SLC5A4: variants seen among roughly 807,000 people sequenced by gnomAD.
SLC5A4 encodes probable glucose sensor protein SLC5A4.
Under a neutral mutation model 70.3 loss-of-function variants are expected in SLC5A4, and 55 were observed. That is an observed-to-expected ratio of 0.78 (90% CI 0.63 to 0.98). SLC5A4 has a LOEUF of 0.98. Ranked by LOEUF, SLC5A4 falls within the 50% of genes least tolerant of loss-of-function variation. SLC5A4 has a pLI of 0.00. For missense variants in SLC5A4, 735 were observed against 839.2 expected, an observed-to-expected ratio of 0.88 and a Z score of 1.53; for synonymous variants, 268 against 305.7, an observed-to-expected ratio of 0.88 and a Z score of 1.29.
upstream of SLC5A4, among the ~76,000 whole-genome samples, chr22:32,259,470 T>C (rs1009493719): frequency 6.6e-6 from 1 of 152,228 alleles, no homozygotes; most frequent in African/African-American, 2.4e-5. Context: ...CAGGTGTTTT[T>C]TTCCTTTGTT....
At chr22:32,260,695 G>C in the SLC5A4 span, among the ~76,000 whole-genome samples, 1 of 152,136 alleles carries the variant, frequency 6.6e-6, no homozygotes, top group Non-Finnish European at 1.5e-5. Context: ...TACGAGAGGA[G>C]TTAGATGAAA....
the SLC5A4 span, among the ~76,000 whole-genome samples, chr22:32,264,934 T>C: frequency 1.4e-4 from 22 of 152,252 alleles, no homozygotes; most frequent in Admixed American, 1.4e-3. Context: ...TTTCTTTTTT[T>C]CATCTCAAGT....
the SLC5A4 span, among the ~76,000 whole-genome samples, chr22:32,351,441 C>T: frequency 6.6e-6 from 1 of 151,622 alleles, no homozygotes; most frequent in African/African-American, 2.4e-5. Context: ...AGGTGGCTCA[C>T]GCCTGTAATC....
chr22:32,312,365 G>GCACACACACACACA, the SLC5A4 span, among the ~76,000 whole-genome samples: 2 of 102,120 alleles, frequency 2.0e-5, no homozygotes, highest in Admixed American at 9.7e-5. Context: ...ACGCGCGCGC[G>GCACACACACACACA]CACACACACA....
At chr22:32,293,359 TTCTTC>T in the SLC5A4 span, among the ~76,000 whole-genome samples, 1 of 152,258 alleles carries the variant, frequency 6.6e-6, no homozygotes, top group East Asian at 1.9e-4. Context: ...ATATTCTTCT[TTCTTC>T]TCAATTTTTG....
At chr22:32,220,031 C>T (rs928355863) in intron 14 of SLC5A4, among the ~76,000 whole-genome samples, 3 of 73,874 alleles carry the variant, frequency 4.1e-5, no homozygotes, top group Non-Finnish European at 7.3e-5. Context: ...TTAAGATGTG[C>T]AACACACACA....
At chr22:32,220,553 C>T (rs372820188) in intron 14 of SLC5A4, among the ~76,000 whole-genome samples, 43 of 152,152 alleles carry the variant, frequency 2.8e-4, no homozygotes, top group African/African-American at 9.2e-4. Context: ...ACCTGTCTGC[C>T]TGGAATAGAG....
chr22:32,334,495 C>T, the SLC5A4 span, among the ~76,000 whole-genome samples: 3 of 152,196 alleles, frequency 2.0e-5, no homozygotes, highest in African/African-American at 4.8e-5. Flanking sequence ...ACAGTGATGG[C>T]CTCCCCCCGG....
chr22:32,228,067 A>G (rs1300270048), intron 11 of SLC5A4, among the ~76,000 whole-genome samples: 2 of 152,200 alleles, frequency 1.3e-5, no homozygotes, highest in East Asian at 3.8e-4. Context: ...CACAGTGGTT[A>G]GCTTTGGAAC....
chr22:32,294,484 A>T, the SLC5A4 span, among the ~76,000 whole-genome samples: 6 of 152,130 alleles, frequency 3.9e-5, no homozygotes, highest in African/African-American at 1.4e-4. Flanking sequence ...TGACATCAAA[A>T]CACTTGAAGA....
At chr22:32,331,144 T>C in the SLC5A4 span, among the ~76,000 whole-genome samples, 5 of 81,178 alleles carry the variant, frequency 6.2e-5, no homozygotes, top group South Asian at 4.0e-4. Flanking sequence ...GTCTGTGTGT[T>C]GGAGGCTCTG....
chr22:32,326,074 T>C, the SLC5A4 span, among the ~76,000 whole-genome samples: 1 of 152,328 alleles, frequency 6.6e-6, no homozygotes, highest in South Asian at 2.1e-4. Context: ...GCAATTTGAA[T>C]AACAATGAAA....
upstream of SLC5A4, among the ~76,000 whole-genome samples, chr22:32,256,331 A>G (rs1231670177): frequency 2.0e-5 from 3 of 152,070 alleles, no homozygotes; most frequent in Non-Finnish European, 2.9e-5. Context: ...AAAAACAACA[A>G]CAAAAAAACA....
chr22:32,230,690 T>C (rs561319015), intron 10 of SLC5A4, among the ~76,000 whole-genome samples: 1 of 152,370 alleles, frequency 6.6e-6, no homozygotes, highest in East Asian at 1.9e-4. Context: ...ACTATGCAAC[T>C]CTTTTATTGA....
chr22:32,323,942 A>C, the SLC5A4 span, among the ~76,000 whole-genome samples: 1 of 151,762 alleles, frequency 6.6e-6, no homozygotes, highest in South Asian at 2.1e-4. Flanking sequence ...GGGCAGCCTC[A>C]CCCGACTTTG....
chr22:32,354,828 T>C, the SLC5A4 span: 1 of 152,300 alleles, frequency 6.6e-6, no homozygotes, highest in African/African-American at 2.4e-5. Flanking sequence ...ATGGCGAACT[T>C]TTCCCACCAC....
chr22:32,287,638 CTTTCTTTTTTCTT>C, the SLC5A4 span, among the ~76,000 whole-genome samples: 1 of 144,884 alleles, frequency 6.9e-6, no homozygotes, highest in African/African-American at 2.6e-5. Context: ...CTTTTTGTTT[CTTTCTTTTTTCTT>C]TTTCTTTTTT....
At chr22:32,218,795 T>C in intron 14 of SLC5A4, 70 bp from the exon 15 acceptor site, 1 of 1,158,710 alleles carries the variant, frequency 8.6e-7, no homozygotes, top group South Asian at 1.3e-5. Context: ...CTTGTCAGTG[T>C]AGTACCTATG....
the SLC5A4 span, among the ~76,000 whole-genome samples, chr22:32,297,244 G>A: frequency 1.3e-5 from 2 of 148,688 alleles, no homozygotes; most frequent in South Asian, 2.1e-4. Context: ...GTTCCTCCTT[G>A]TACCTCTGGT....
Sources: allele counts gnomAD v4.1 joint callset (sites outside exome capture counted in the v4.1 genomes callset), GRCh38; gene constraint gnomAD v4.1.1; transcripts MANE v1.5; gene names NCBI Gene and HGNC (gene_info 2026-07-23, HGNC 2026-07-21).